Variants in PAN3 observed in about 807,000 individuals in gnomAD.
The protein encoded by PAN3 is poly(A) specific ribonuclease subunit PAN3.
PAN3 carries 19 observed loss-of-function variants against 96.2 expected under a neutral mutation model. The ratio of observed to expected loss-of-function variants is 0.20; its 90% CI spans 0.14 to 0.29. The LOEUF is 0.29. Among genes scored for constraint, PAN3 ranks in the 10% least tolerant of loss-of-function variants. PAN3 has a pLI of 1.00. For synonymous variants in PAN3, 433 were observed against 406.6 expected (o/e 1.06, Z -0.78); for missense variants, 882 against 1,108.1 (o/e 0.80, Z 2.90).
chr13:28,251,466 G>T (rs999801826), intron 6 of PAN3, among the ~76,000 whole-genome samples: 2 of 152,182 alleles, frequency 1.3e-5, no homozygotes, highest in Non-Finnish European at 2.9e-5. Context: ...GTCGAGTATT[G>T]TGTTGATTTC....
At chr13:28,191,386 C>T (rs1433598661) in intron 4 of PAN3, among the ~76,000 whole-genome samples, 2 of 152,120 alleles carry the variant, frequency 1.3e-5, no homozygotes, top group African/African-American at 4.8e-5. Flanking sequence ...TGATTCGTAG[C>T]CAGGGCAGTT....
intron 1 of PAN3, among the ~76,000 whole-genome samples, chr13:28,145,263 GTA>G (rs773102904): frequency 3.0e-4 from 45 of 152,078 alleles, no homozygotes; most frequent in Non-Finnish European, 5.6e-4. Flanking sequence ...GTGTGTGTGT[GTA>G]TGTGTGTACA....
At chr13:28,172,946 G>A (rs1874490812) in intron 1 of PAN3, among the ~76,000 whole-genome samples, 1 of 152,190 alleles carries the variant, frequency 6.6e-6, no homozygotes, top group South Asian at 2.1e-4. Context: ...CAACCCAGGA[G>A]CATAGATTCA....
intron 6 of PAN3, among the ~76,000 whole-genome samples, chr13:28,247,549 A>G (rs1206820626): frequency 6.6e-6 from 1 of 151,872 alleles, no homozygotes; most frequent in African/African-American, 2.4e-5. Flanking sequence ...TTTTTTTCCT[A>G]ATAGTTTCAA....
In PAN3 at chr13:28,176,562, A is replaced by G; in HGVS notation, c.619+3A>G. 3.1e-6 allele frequency: 5 copies of G among 1,612,674 alleles called. No individual in the cohort carries two copies. The highest frequency in any genetic ancestry group is 4.2e-6 in the Non-Finnish European group (5 of 1,178,680). ...TGCCAAGCCATATTCAGCCCATGGTAAGACCTGATCCCTTTTGCTTATGTG... is the reference window on the plus strand; with the variant it reads ...TGCCAAGCCATATTCAGCCCATGGTGAGACCTGATCCCTTTTGCTTATGTG... On this transcript the variant is annotated splice_donor_region_variant and intron_variant, in intron 3 of 18. Transcript: ENST00000380958.
At chr13:28,159,348 G>C (rs1056014240) in intron 1 of PAN3, among the ~76,000 whole-genome samples, 1 of 152,200 alleles carries the variant, frequency 6.6e-6, no homozygotes, top group African/African-American at 2.4e-5. Flanking sequence ...AACTAACGCA[G>C]TAGCAGAAAA....
At chr13:28,267,515 ACT>A (rs1886284583) in intron 12 of PAN3, 114 bp downstream of exon 12, 3 of 854,518 alleles carry the variant, frequency 3.5e-6, no homozygotes, top group Admixed American at 5.1e-5. Context: ...TAGTTTAAAG[ACT>A]CTATTACATT....
chr13:28,256,507 A>G lies in PAN3; in HGVS notation c.1216A>G (p.Thr406Ala). The G allele has an allele frequency of 6.2e-7, 1 of 1,614,044 alleles. No individual in the cohort carries two copies. The highest frequency in any genetic ancestry group is 8.5e-7 in the Non-Finnish European group (1 of 1,179,944). Residue 406 changes from threonine (T) to alanine (A), a missense_variant, in exon 7 of 19, where the codon ACA becomes GCA. Thr to Ala is a moderately conservative substitution (Grantham distance 58, BLOSUM62 0). Transcript: ENST00000380958. ...TGTTGGTGGGACGACTTACTTCTAT[A>G]CAGACACAACTCCAGCACCTTTGAC... is the stretch of plus-strand genomic sequence containing the variant. Reference protein sequence around the residue: ...ETVGGTTYFYTDTTPAPLTGM... With the variant: ...ETVGGTTYFYADTTPAPLTGM...
chr13:28,235,553 AT>A (rs1882999508), intron 6 of PAN3, among the ~76,000 whole-genome samples: 1 of 151,968 alleles, frequency 6.6e-6, no homozygotes, highest in African/African-American at 2.4e-5. Flanking sequence ...CTTTTTATTG[AT>A]TAGGTCAAAT....
At chr13:28,181,951 A>C (rs1323934978) in intron 4 of PAN3, among the ~76,000 whole-genome samples, 1 of 152,216 alleles carries the variant, frequency 6.6e-6, no homozygotes. Context: ...GTTTGTTAAA[A>C]ATAGGAGTTA....
chr13:28,229,620 T>A (rs1198590093), intron 6 of PAN3, among the ~76,000 whole-genome samples: 1 of 152,242 alleles, frequency 6.6e-6, no homozygotes, highest in Admixed American at 6.5e-5. Flanking sequence ...GTAAGGTCTT[T>A]CTCTTGCTTC....
intron 1 of PAN3, among the ~76,000 whole-genome samples, chr13:28,158,280 G>A (rs781715315): frequency 1.5e-4 from 23 of 152,044 alleles, no homozygotes; most frequent in Admixed American, 6.6e-4. Flanking sequence ...CTGGACATAC[G>A]CCCCAGCAAA....
intron 6 of PAN3, among the ~76,000 whole-genome samples, chr13:28,233,989 C>T (rs984388650): frequency 2.0e-5 from 3 of 152,172 alleles, no homozygotes; most frequent in African/African-American, 7.2e-5. Context: ...ACCTACCAAT[C>T]CAGTTTCTCA....
chr13:28,256,325 A>T lies in PAN3; in HGVS notation c.1034A>T (p.His345Leu). ...MSLSAGSSPL[H>L]SPKITPHTSP... ...TTGTCTGCTGGGTCTTCCCCTCTTCATTCCCCCAAGATTACTCCACATACT... is the reference window on the plus strand; with the variant it reads ...TTGTCTGCTGGGTCTTCCCCTCTTCTTTCCCCCAAGATTACTCCACATACT... The change falls in exon 7 of 19, where the codon CAT (histidine) becomes CTT (leucine). Residue 345 changes from histidine (H) to leucine (L), a missense_variant. This residue lies in a region of PAN3 where 364 missense variants were observed against 513.6 expected (regional missense o/e 0.71). Transcript: ENST00000380958. The T allele has an allele frequency of 6.2e-7, 1 of 1,613,820 alleles. No individual in the cohort carries two copies. Among genetic ancestry groups the T allele is most frequent in the Non-Finnish European group, 8.5e-7 (1 of 1,179,786 alleles).
At chr13:28,231,909 G>A (rs1882595515) in intron 6 of PAN3, among the ~76,000 whole-genome samples, 1 of 151,940 alleles carries the variant, frequency 6.6e-6, no homozygotes, top group Non-Finnish European at 1.5e-5. Context: ...CTCTGAAAAT[G>A]AAAATAAATA....
intron 6 of PAN3, among the ~76,000 whole-genome samples, chr13:28,247,738 A>G (rs1211943160): frequency 6.6e-6 from 1 of 152,114 alleles, no homozygotes; most frequent in Non-Finnish European, 1.5e-5. Context: ...TTGCCTATAA[A>G]TATGTGTATT....
Position 28,138,611 on chromosome 13 carries a change from G to GCGGCGGCGA in PAN3, c.-40_-39insGACGGCGGC. The GCGGCGGCGA allele has an allele frequency of 2.0e-6, 1 of 490,278 alleles. No individual in the cohort carries two copies. The highest frequency in any genetic ancestry group is 3.5e-6 in the Non-Finnish European group (1 of 286,736). The allele number at this position is 490,278 out of a possible 1,614,324, so 30.4% of individuals were successfully genotyped here. ...TCCTCCCCCGTCTATGGTGGTGGCG[G>GCGGCGGCGA]CGGCGGCTCCTCGGGCGGCGGCGGA... On this transcript the variant is annotated 5_prime_UTR_variant, in exon 1 of 19. Coordinates refer to ENST00000380958, the MANE Select transcript of PAN3 (RefSeq NM_175854.8).
At chr13:28,169,522 C>T (rs190899345) in intron 1 of PAN3, among the ~76,000 whole-genome samples, 32 of 151,614 alleles carry the variant, frequency 2.1e-4, no homozygotes, top group African/African-American at 2.7e-4. Context: ...TGAGCCACCG[C>T]GCCCGGCTGT....
intron 1 of PAN3, among the ~76,000 whole-genome samples, chr13:28,163,976 C>A (rs1873216571): frequency 1.3e-5 from 2 of 152,014 alleles, no homozygotes; most frequent in African/African-American, 4.8e-5. Flanking sequence ...GCCTGTAGTC[C>A]CAGCTACTTG....
Sources: gnomAD v4.1 joint callset for allele counts (sites outside exome capture counted in the v4.1 genomes callset) on GRCh38, gnomAD v4.1.1 for gene constraint, gnomAD v4.1.1 regional missense constraint, MANE v1.5 for transcripts, NCBI Gene and HGNC (gene_info 2026-07-23, HGNC 2026-07-21) for gene names.